The following LRCH1 variants were observed in gnomAD, a reference collection of about 807,000 sequenced individuals.
LRCH1 encodes the protein leucine-rich repeat and calponin homology domain-containing protein 1.
LRCH1 carries 23 observed loss-of-function variants against 94.9 expected under a neutral mutation model. The ratio of observed to expected loss-of-function variants is 0.24; its 90% CI spans 0.17 to 0.34. The LOEUF is 0.34. Among genes scored for constraint, LRCH1 ranks in the 10% least tolerant of loss-of-function variants. The probability of loss-of-function intolerance (pLI) is 1.00; values close to 1 mark genes in which losing one functional copy is unlikely to be tolerated. For synonymous variants in LRCH1, 364 were observed against 354.9 expected, an observed-to-expected ratio of 1.03 and a Z score of -0.29; for missense variants, 790 against 945.9, an observed-to-expected ratio of 0.84 and a Z score of 2.16.
intron 1 of LRCH1, among the ~76,000 whole-genome samples, chr13:46,646,404 T>A (rs930669181): frequency 2.6e-5 from 4 of 152,220 alleles, no homozygotes; most frequent in African/African-American, 9.6e-5. Context: ...TCCCATTCAC[T>A]CCTGTCCTCC....
chr13:46,570,382 C>G (rs1317295826), intron 1 of LRCH1, among the ~76,000 whole-genome samples: 1 of 152,096 alleles, frequency 6.6e-6, no homozygotes, highest in African/African-American at 2.4e-5. Context: ...GGGTCCTTAT[C>G]CTGTGCTAAG....
exon 19 of LRCH1, chr13:46,752,716 T>G (rs1396603759): frequency 6.6e-6 from 1 of 152,198 alleles, no homozygotes; most frequent in Non-Finnish European, 1.5e-5. Context: ...TTCTTACGTG[T>G]ATATATGGTA....
At position 46,687,995 on chromosome 13, in the gene LRCH1, A is replaced by T. The variant is rs1870710400; in HGVS notation, c.950+16A>T. On this transcript the variant is annotated intron_variant, in intron 6 of 19. Coordinates refer to ENST00000389797, the MANE Select transcript of LRCH1 (RefSeq NM_001164211.2). ...TGGAAGATGGGTGAGTCATGCCCTC[A>T]TTCAAAGCCCCAGTTTAAAATTTGC... is the stretch of plus-strand genomic sequence containing the variant. 6.3e-7 allele frequency: 1 copy of T among 1,592,320 alleles called. No individual in the cohort carries two copies.
chr13:46,588,820 C>T (rs1033140133), intron 1 of LRCH1, among the ~76,000 whole-genome samples: 1 of 152,054 alleles, frequency 6.6e-6, no homozygotes, highest in African/African-American at 2.4e-5. Flanking sequence ...CCAGGCTGGT[C>T]TCGAACTCCT....
At chr13:46,601,081 C>T (rs1016031997) in intron 1 of LRCH1, among the ~76,000 whole-genome samples, 9 of 152,338 alleles carry the variant, frequency 5.9e-5, no homozygotes, top group African/African-American at 1.9e-4. Context: ...CCACCCTATC[C>T]GTTAAAGGGC....
intron 9 of LRCH1, among the ~76,000 whole-genome samples, chr13:46,696,518 G>A (rs114833539): frequency 2.6e-3 from 401 of 152,304 alleles, no homozygotes; most frequent in African/African-American, 9.2e-3. Context: ...TTTCAGGAAA[G>A]CAAATTTCCC....
intron 19 of LRCH1, among the ~76,000 whole-genome samples, chr13:46,738,446 A>T (rs1297265586): frequency 6.6e-6 from 1 of 152,256 alleles, no homozygotes; most frequent in South Asian, 2.1e-4. Context: ...TATGAAAGTC[A>T]TAATAGCGTT....
Position 46,553,577 on chromosome 13 carries a change from C to T in LRCH1, c.181C>T (p.Arg61Trp), listed in dbSNP as rs957090024. 1.9e-6 allele frequency: 3 copies of T among 1,551,148 alleles called. No homozygotes were observed. The highest frequency in any genetic ancestry group is 2.6e-6 in the Non-Finnish European group (3 of 1,147,550). ...CGGGGGCTTCAACCTGCCCTTGAACCGGGGTCTGGAGCGCGCGCTTGAGGA... is the reference window on the plus strand; with the variant it reads ...CGGGGGCTTCAACCTGCCCTTGAACTGGGGTCTGGAGCGCGCGCTTGAGGA... ...GSGGFNLPLN[R>W]GLERALEEAA... The change falls in exon 1 of 20, where the codon CGG (arginine) becomes TGG (tryptophan). Residue 61 changes from arginine to tryptophan, a missense_variant. This residue lies in a region of LRCH1 where 136 missense variants were observed against 143.5 expected (regional missense o/e 0.95). Coordinates refer to ENST00000389797, the MANE Select transcript of LRCH1 (RefSeq NM_001164211.2).
intron 16 of LRCH1, among the ~76,000 whole-genome samples, chr13:46,722,643 G>T (rs775846794): frequency 4.3e-4 from 66 of 152,248 alleles, no homozygotes; most frequent in Admixed American, 7.8e-4. Context: ...CTTCCTAAAA[G>T]GTGTCCTTGC....
rs746940033 is a variant in LRCH1 at position 46,741,764 on chromosome 13, G to T, written c.2208G>T (p.Arg736Ser). ...CACCAACTTCTGCCCTCCGCTCCAG[G>T]GACCTTATAGGCTTCTGTCTTGTCC... ...APPPTSALRS[R>S]DLIGFCLVHI... Residue 736 changes from arginine to serine, a missense_variant, in exon 20 of 20, where the codon AGG becomes AGT. Physicochemically the swap from Arg to Ser is moderately radical, Grantham distance 110 (BLOSUM62 -1). Coordinates refer to ENST00000389797, the MANE Select transcript of LRCH1 (RefSeq NM_001164211.2). 1 of 1,614,150 alleles carries T rather than the reference G, an allele frequency of 6.2e-7. No homozygotes were observed. Among genetic ancestry groups the T allele is most frequent in the East Asian group, 2.2e-5 (1 of 44,868 alleles).
intron 1 of LRCH1, among the ~76,000 whole-genome samples, chr13:46,588,496 G>A (rs2050458930): frequency 6.6e-6 from 1 of 151,600 alleles, no homozygotes; most frequent in Non-Finnish European, 1.5e-5. Flanking sequence ...AATGTTAAAT[G>A]TGGAAAAATT....
At chr13:46,635,332 G>A (rs959845352) in intron 1 of LRCH1, among the ~76,000 whole-genome samples, 28 of 152,178 alleles carry the variant, frequency 1.8e-4, no homozygotes, top group Non-Finnish European at 3.2e-4. Context: ...CAATTAGAAA[G>A]AGCTTCCCTG....
chr13:46,610,704 A>G (rs1390993009), intron 1 of LRCH1, among the ~76,000 whole-genome samples: 1 of 152,138 alleles, frequency 6.6e-6, no homozygotes, highest in Non-Finnish European at 1.5e-5. Context: ...CTGTATATGT[A>G]TATATCACAA....
At chr13:46,671,496 C>T (rs1464001918) in intron 3 of LRCH1, among the ~76,000 whole-genome samples, 3 of 152,142 alleles carry the variant, frequency 2.0e-5, no homozygotes, top group Non-Finnish European at 2.9e-5. Flanking sequence ...ATTGTGAAGA[C>T]CGTCAGGTGC....
intron 5 of LRCH1, among the ~76,000 whole-genome samples, chr13:46,686,479 A>G (rs1389225595): frequency 1.3e-5 from 2 of 152,074 alleles, no homozygotes; most frequent in Non-Finnish European, 2.9e-5. Context: ...TCATTTCTTT[A>G]TGGCCAGTTT....
chr13:46,555,697 G>A (rs758431708), intron 1 of LRCH1, among the ~76,000 whole-genome samples: 1 of 152,216 alleles, frequency 6.6e-6, no homozygotes, highest in Non-Finnish European at 1.5e-5. Flanking sequence ...TTATTTGGGG[G>A]AAGAGGAGTG....
At chr13:46,614,094 T>A (rs2050777775) in intron 1 of LRCH1, among the ~76,000 whole-genome samples, 1 of 95,138 alleles carries the variant, frequency 1.1e-5, no homozygotes, top group African/African-American at 5.0e-5. Flanking sequence ...ACACCCATCA[T>A]TTCACATAGT....
chr13:46,639,316 C>A (rs1005759620), intron 1 of LRCH1, among the ~76,000 whole-genome samples: 1 of 152,162 alleles, frequency 6.6e-6, no homozygotes, highest in Admixed American at 6.5e-5. Flanking sequence ...TTTGGGCATG[C>A]AGAAAGTCAA....
At chr13:46,734,695 G>C (rs1873283907) in intron 19 of LRCH1, among the ~76,000 whole-genome samples, 1 of 152,174 alleles carries the variant, frequency 6.6e-6, no homozygotes, top group Non-Finnish European at 1.5e-5. Flanking sequence ...AACATAAACT[G>C]ATTTCTTAGG....
Sources: allele counts gnomAD v4.1 joint callset (sites outside exome capture counted in the v4.1 genomes callset), GRCh38; gene constraint gnomAD v4.1.1; regional missense constraint gnomAD v4.1.1; transcripts MANE v1.5; gene names NCBI Gene and HGNC (gene_info 2026-07-23, HGNC 2026-07-21).